The following GON4L variants were observed in gnomAD, a reference collection of about 807,000 sequenced individuals.
GON4L encodes the protein gon-4 like.
In GON4L, 87 loss-of-function variants were observed where a neutral mutation model predicts 211.8. The ratio of observed to expected loss-of-function variants is 0.41; its 90% CI spans 0.35 to 0.49. The LOEUF is 0.49. Ranked by LOEUF, GON4L falls within the 20% of genes least tolerant of loss-of-function variation. The probability of loss-of-function intolerance (pLI) is 0.15; values close to 1 mark genes in which losing one functional copy is unlikely to be tolerated. For missense variants in GON4L, 2,155 were observed against 2,659.5 expected (o/e 0.81, Z 4.17); for synonymous variants, 875 against 962.6 (o/e 0.91, Z 1.68).
At chr1:155,748,666 C>T (rs1660349648), downstream of GON4L, 1 of 1,613,426 alleles carries the variant, frequency 6.2e-7, no homozygotes. Flanking sequence ...CTTCCTGATT[C>T]CCTGATGCAG....
intron 14 of GON4L, 54 bp from the exon 15 acceptor site, chr1:155,777,874 C>G: frequency 9.5e-7 from 1 of 1,055,474 alleles, no homozygotes; most frequent in Non-Finnish European, 1.5e-6. Context: ...GTCCACAACA[C>G]ATCCAATTCG....
In GON4L at chr1:155,815,867, C is replaced by A; in HGVS notation, c.1099G>T (p.Asp367Tyr). Reference protein sequence around the residue: ...PQFVDIHLEEDDSSDEEYQPD... With the variant: ...PQFVDIHLEEYDSSDEEYQPD... Reference sequence around the variant, plus strand: ...TGGTATTCTTCATCTGAGGAATCATCTTCTTCAAGGTGGATATCCACAAAC... The same window carrying A: ...TGGTATTCTTCATCTGAGGAATCATATTCTTCAAGGTGGATATCCACAAAC... Residue 367 changes from aspartate (D) to tyrosine (Y), a missense_variant, in exon 8 of 32, where the codon GAT becomes TAT. Asp to Tyr is a radical substitution (Grantham distance 160). Around this residue, in one of 6 missense-constraint regions of GON4L, gnomAD observed 551 missense variants for 854.0 expected, o/e 0.65. Transcript: ENST00000368331. 2 of 1,606,974 alleles carry A rather than the reference C, an allele frequency of 1.2e-6. No homozygotes were observed. Among genetic ancestry groups the A allele is most frequent in the Non-Finnish European group, 1.7e-6 (2 of 1,173,726 alleles).
intron 2 of GON4L, among the ~76,000 whole-genome samples, chr1:155,847,809 G>A (rs966274829): frequency 2.0e-4 from 30 of 152,154 alleles, no homozygotes; most frequent in Admixed American, 6.6e-5. Flanking sequence ...AGGAGGCGGG[G>A]GTTGCGGTGA....
rs140643068 is a variant in GON4L, at chr1:155,818,817, G to T, written c.1014+1789C>A. On this transcript the variant is annotated intron_variant, in intron 6 of 31. Coordinates refer to ENST00000368331, the MANE Select transcript of GON4L (RefSeq NM_001282860.2). ...ATTGGAAACCAGCCTGGCCAACATG[G>T]TGAAACCCCATCTCTACTAAAACTA... 4.4e-3 allele frequency among the ~76,000 whole-genome samples: 674 copies of T among 151,954 alleles called. 1 individual carries two copies. Among genetic ancestry groups the T allele is most frequent in the Admixed American group, 5.9e-3 (90 of 15,244 alleles).
chr1:155,855,174 T>C (rs1242037517), intron 1 of GON4L, among the ~76,000 whole-genome samples: 3 of 152,234 alleles, frequency 2.0e-5, no homozygotes, highest in Non-Finnish European at 4.4e-5. Context: ...TTTAAGGGCA[T>C]TACTGACCTA....
chr1:155,850,935 T>C (rs542753440), intron 2 of GON4L, among the ~76,000 whole-genome samples: 1 of 150,256 alleles, frequency 6.7e-6, no homozygotes, highest in East Asian at 2.0e-4. Flanking sequence ...CGTGTGCCTG[T>C]AGTCCTAGCT....
chr1:155,823,261 A>G (rs1038410648), intron 3 of GON4L, among the ~76,000 whole-genome samples: 2 of 152,206 alleles, frequency 1.3e-5, no homozygotes, highest in African/African-American at 4.8e-5. Flanking sequence ...CTCATCAGAT[A>G]CATTTTATTT....
Position 155,805,018 on chromosome 1 carries a change from T to C in GON4L, c.1576A>G (p.Asn526Asp). The C allele has an allele frequency of 6.2e-7, 1 of 1,613,792 alleles. No homozygotes were observed. The highest frequency in any genetic ancestry group is 8.5e-7 in the Non-Finnish European group (1 of 1,179,712). ...PDITPDMYDP[N>D]TADDEDWKMW... ...TTCCAGTCCTCATCATCTGCCGTAT[T>C]GGGGTCATACATATCTGGAGTGATG... The change falls in exon 11 of 32, where the codon AAT becomes GAT. Residue 526 changes from asparagine (N) to aspartate (D), a missense_variant. Asn to Asp is a conservative substitution (Grantham distance 23, BLOSUM62 1). Transcript: ENST00000368331.
At position 155,766,544 on chromosome 1, in the gene GON4L, C is replaced by T. The variant is rs76493036; in HGVS notation, c.2929G>A (p.Val977Ile). The change falls in exon 21 of 32, where the codon GTA (valine) becomes ATA (isoleucine). Residue 977 changes from valine to isoleucine, a missense_variant. Coordinates refer to ENST00000368331, the MANE Select transcript of GON4L (RefSeq NM_001282860.2). ...GCAACTGGCTTCAGTTTCAGGACTA[C>T]ACCCTTAGGCAATAGCAGTGGGTAC... The part of the protein sequence containing the change: ...SRYPLLLPKG[V>I]VLKLKPVATR... The T allele has an allele frequency of 8.1e-6, 13 of 1,613,972 alleles. No individual in the cohort carries two copies. Among genetic ancestry groups the T allele is most frequent in the African/African-American group, 2.7e-5 (2 of 74,890 alleles).
Position 155,853,518 on chromosome 1 carries a change from T to A in GON4L, c.263A>T (p.Asn88Ile). 1 of 1,614,194 alleles carries A rather than the reference T, an allele frequency of 6.2e-7. No individual in the cohort carries two copies. Among genetic ancestry groups the A allele is most frequent in the East Asian group, 2.2e-5 (1 of 44,884 alleles). Residue 88 changes from asparagine to isoleucine, a missense_variant, in exon 2 of 32, where the codon AAT becomes ATT. By Grantham distance (149) the Asn-to-Ile change is moderately radical. Transcript: ENST00000368331. ...LSSGMLTQNTNVPILEGVDVA... is the reference protein window; with the variant it reads ...LSSGMLTQNTIVPILEGVDVA... Reference sequence around the variant, plus strand: ...ATCAACACCTTCTAGAATTGGTACATTTGTGTTCTGGGTGAGCATTCCAGA... The same window carrying A: ...ATCAACACCTTCTAGAATTGGTACAATTGTGTTCTGGGTGAGCATTCCAGA...
At chr1:155,815,156 A>G (rs1257949013) in intron 8 of GON4L, among the ~76,000 whole-genome samples, 2 of 152,210 alleles carry the variant, frequency 1.3e-5, no homozygotes, top group South Asian at 2.1e-4. Flanking sequence ...CCTAATCTGC[A>G]TTACAAAGTG....
At chr1:155,854,447 G>A (rs1394573618) in intron 1 of GON4L, among the ~76,000 whole-genome samples, 1 of 152,108 alleles carries the variant, frequency 6.6e-6, no homozygotes, top group African/African-American at 2.4e-5. Context: ...GAGCCACCGC[G>A]TCCAGCAAAC....
At chr1:155,785,471 T>G in intron 12 of GON4L, 97 bp from the exon 13 acceptor site, 1 of 866,064 alleles carries the variant, frequency 1.2e-6, no homozygotes, top group Non-Finnish European at 2.0e-6. Flanking sequence ...CAACAAGGCA[T>G]GACAAATTCT....
intron 14 of GON4L, among the ~76,000 whole-genome samples, chr1:155,780,772 G>A (rs903286560): frequency 1.3e-5 from 2 of 152,056 alleles, no homozygotes; most frequent in South Asian, 2.1e-4. Flanking sequence ...GATTAAGCAC[G>A]TGCTGATACC....
At chr1:155,816,890 A>T (rs1160064483) in intron 6 of GON4L, among the ~76,000 whole-genome samples, 2 of 152,052 alleles carry the variant, frequency 1.3e-5, no homozygotes, top group Non-Finnish European at 2.9e-5. Context: ...TATAAAGCAA[A>T]TATGGCAAAA....
Position 155,765,231 on chromosome 1 carries a change from A to C in GON4L, c.4242T>G (p.Ala1414=). Residue 1414 remains alanine (A), a synonymous_variant, in exon 21 of 32, where the codon GCT becomes GCG. Coordinates refer to ENST00000368331, the MANE Select transcript of GON4L (RefSeq NM_001282860.2). ...TDVNKGSSKN[A]LSSMDPEVRL... is the part of the protein sequence containing the mutation. ...TCACTTCAGGATCCATTGAGGACAA[A>C]GCATTCTTTGATGATCCTTTGTTCA... 1 of 1,614,198 alleles carries C rather than the reference A, an allele frequency of 6.2e-7. No homozygotes were observed. Among genetic ancestry groups the C allele is most frequent in the African/African-American group, 1.3e-5 (1 of 75,048 alleles).
At chr1:155,818,179 T>C (rs1235194245) in intron 6 of GON4L, among the ~76,000 whole-genome samples, 2 of 152,014 alleles carry the variant, frequency 1.3e-5, no homozygotes, top group South Asian at 2.1e-4. Context: ...TGGAGTGCAG[T>C]GGCATGGTCT....
intron 10 of GON4L, among the ~76,000 whole-genome samples, chr1:155,807,480 G>C (rs822018): frequency 0.86 from 131,093 of 151,848 alleles, 58,092 homozygotes; most frequent in East Asian, 1. Flanking sequence ...GACAAGGTGG[G>C]CGGATCACGA....
At chr1:155,810,084 T>C (rs1199483461) in intron 10 of GON4L, among the ~76,000 whole-genome samples, 2 of 148,788 alleles carry the variant, frequency 1.3e-5, no homozygotes, top group Admixed American at 6.9e-5. Context: ...CAACCTCCGC[T>C]TCCTGGGTTA....
Sources: allele counts gnomAD v4.1 joint callset (sites outside exome capture counted in the v4.1 genomes callset), GRCh38; gene constraint gnomAD v4.1.1; regional missense constraint gnomAD v4.1.1; transcripts MANE v1.5; gene names NCBI Gene and HGNC (gene_info 2026-07-23, HGNC 2026-07-21).